The following WHRN variants were observed in gnomAD, a reference collection of about 807,000 sequenced individuals.
WHRN encodes the protein whirlin, also known as CASK-interacting protein CIP98.
In WHRN, 41 loss-of-function variants were observed where a neutral mutation model predicts 68.3. The ratio of observed to expected loss-of-function variants is 0.60; its 90% CI spans 0.47 to 0.78. The LOEUF is 0.78. Ranked by LOEUF, WHRN falls within the 30% of genes least tolerant of loss-of-function variation. The pLI is 0.00. For missense variants in WHRN, 1,243 were observed against 1,244.7 expected (o/e 1.00, Z 0.02); for synonymous variants, 560 against 561.3 (o/e 1.00, Z 0.03).
At chr9:114,471,212 T>C (rs1841192402) in intron 2 of WHRN, among the ~76,000 whole-genome samples, 1 of 152,018 alleles carries the variant, frequency 6.6e-6, no homozygotes, top group Non-Finnish European at 1.5e-5. Context: ...ATAATATTAA[T>C]AGAATAATAA....
intron 7 of WHRN, among the ~76,000 whole-genome samples, chr9:114,414,681 A>G (rs940301760): frequency 6.6e-6 from 1 of 152,272 alleles, no homozygotes; most frequent in African/African-American, 2.4e-5. Context: ...CTACAGAGAC[A>G]GCAAAGCACT....
At chr9:114,447,816 G>C (rs1838970085) in intron 3 of WHRN, among the ~76,000 whole-genome samples, 2 of 151,972 alleles carry the variant, frequency 1.3e-5, no homozygotes. Context: ...AGAACTGTGA[G>C]CTAATAAATT....
chr9:114,479,027 C>G (rs1200210860), intron 1 of WHRN, among the ~76,000 whole-genome samples: 3 of 152,230 alleles, frequency 2.0e-5, no homozygotes, highest in Non-Finnish European at 4.4e-5. Context: ...GTTTGCATTG[C>G]AGGCCTGACA....
chr9:114,464,296 TG>T (rs1840482547), intron 3 of WHRN, among the ~76,000 whole-genome samples: 1 of 152,220 alleles, frequency 6.6e-6, no homozygotes, highest in African/African-American at 2.4e-5. Flanking sequence ...TGAGTCAATC[TG>T]GGCTGCTATA....
At chr9:114,404,154 G>A in intron 9 of WHRN, 77 bp from the exon 10 acceptor site, 1 of 1,458,576 alleles carries the variant, frequency 6.9e-7, no homozygotes, top group Non-Finnish European at 9.4e-7. Context: ...CAGTGACGGA[G>A]ATGGAGGCTG....
intron 1 of WHRN, among the ~76,000 whole-genome samples, chr9:114,486,106 C>T (rs1181129924): frequency 6.6e-6 from 1 of 152,146 alleles, no homozygotes; most frequent in African/African-American, 2.4e-5. Flanking sequence ...GTACTAAATG[C>T]ATGCTAATTC....
chr9:114,481,893 A>G (rs7030213), intron 1 of WHRN, among the ~76,000 whole-genome samples: 10,633 of 152,304 alleles, frequency 0.07, 1,244 homozygotes, highest in African/African-American at 0.24. Flanking sequence ...TGCCTGGCAC[A>G]CAGTAGGTCC....
At position 114,426,360 on chromosome 9, in the gene WHRN, G is replaced by A. The variant is rs375732074; in HGVS notation, c.1017C>T (p.His339=). Residue 339 remains histidine (H), a synonymous_variant, in exon 4 of 12, where the codon CAC becomes CAT. Transcript: ENST00000362057. ...VNGRSFLNIL[H]DEAVRLLKSS... ...ACTTAAGCAGCCTGACAGCCTCGTC[G>A]TGTAGGATGTTGAGAAAGCTCCGCC... 31 of 1,614,092 alleles carry A rather than the reference G, an allele frequency of 1.9e-5. No homozygotes were observed. In the African/African-American group the frequency reaches 3.6e-4, roughly 19 times the overall value.
chr9:114,486,476 C>T (rs933085540), intron 1 of WHRN, among the ~76,000 whole-genome samples: 1 of 152,194 alleles, frequency 6.6e-6, no homozygotes, highest in African/African-American at 2.4e-5. Flanking sequence ...GAACCTCTCC[C>T]TGCTCCTTTT....
rs149509114 is a variant in WHRN, at chr9:114,405,705, C to T, written c.2236+650G>A. Reference sequence around the variant, plus strand: ...CATTTTGCATCTTGGTCTGTGCAGGCGCTCAGGGAATGTCCTACGGGGCCT... The same window carrying T: ...CATTTTGCATCTTGGTCTGTGCAGGTGCTCAGGGAATGTCCTACGGGGCCT... On this transcript the variant is annotated intron_variant, in intron 9 of 11. Transcript: ENST00000362057. Among the ~76,000 whole-genome samples the T allele has an allele frequency of 5.4e-3, 828 of 152,326 alleles. 6 individuals are homozygous for T. The highest frequency in any genetic ancestry group is 0.01 in the South Asian group (50 of 4,830).
chr9:114,407,743 G>T (rs1033168809), intron 8 of WHRN, among the ~76,000 whole-genome samples: 1 of 152,210 alleles, frequency 6.6e-6, no homozygotes, highest in Non-Finnish European at 1.5e-5. Context: ...GTCACCAGAG[G>T]CAAGTGATCC....
intron 1 of WHRN, among the ~76,000 whole-genome samples, chr9:114,500,718 T>A (rs1201608669): frequency 6.6e-6 from 1 of 152,132 alleles, no homozygotes; most frequent in Non-Finnish European, 1.5e-5. Flanking sequence ...AGTGAGCAAG[T>A]GAATTTGATT....
intron 1 of WHRN, among the ~76,000 whole-genome samples, chr9:114,485,180 G>A (rs993673562): frequency 1.4e-4 from 21 of 152,248 alleles, no homozygotes; most frequent in Non-Finnish European, 2.5e-4. Flanking sequence ...TTCGGAAACA[G>A]AGACTCAACA....
At chr9:114,432,886 T>C (rs2132488008) in intron 3 of WHRN, among the ~76,000 whole-genome samples, 2 of 152,280 alleles carry the variant, frequency 1.3e-5, no homozygotes, top group Middle Eastern at 6.8e-3. Flanking sequence ...ACCAACCAAA[T>C]CTAGCAATTC....
chr9:114,425,275 T>C lies in WHRN; in HGVS notation c.1167-251A>G, dbSNP rs1290952969. 1.4e-5 allele frequency: 9 copies of C among 648,480 alleles called. No homozygotes were observed. In the East Asian group the frequency reaches 2.2e-4, roughly 16 times the overall value. 40.2% of individuals were successfully genotyped at this position (648,480 alleles called of 1,614,324 possible). ...AAACCACCCGAGGTGGGCTCCTGAGTTGTTGCCAACCCCGCAGGACCAGGC... is the reference window on the plus strand; with the variant it reads ...AAACCACCCGAGGTGGGCTCCTGAGCTGTTGCCAACCCCGCAGGACCAGGC... On this transcript the variant is annotated intron_variant, in intron 4 of 11. Transcript: ENST00000362057.
In WHRN at chr9:114,450,805, C is replaced by T. The variant is rs1003936292; in HGVS notation, c.963+15462G>A. On this transcript the variant is annotated intron_variant, in intron 3 of 11. Coordinates refer to ENST00000362057, the MANE Select transcript of WHRN (RefSeq NM_015404.4). Reference sequence around the variant, plus strand: ...ACACAGTAGGTGTCAGAAGTAGCTGCTATTGTTATTATTATTAGTTTCCCC... The same window carrying T: ...ACACAGTAGGTGTCAGAAGTAGCTGTTATTGTTATTATTATTAGTTTCCCC... Among the ~76,000 whole-genome samples the T allele has an allele frequency of 2.7e-5, 4 of 148,086 alleles. No homozygotes were observed. In the East Asian group the frequency reaches 8.0e-4, roughly 30 times the overall value.
At chr9:114,463,952 C>T (rs964026577) in intron 3 of WHRN, among the ~76,000 whole-genome samples, 1 of 152,142 alleles carries the variant, frequency 6.6e-6, no homozygotes, top group African/African-American at 2.4e-5. Context: ...GTGCAACTCT[C>T]CGAGCCTCAC....
intron 7 of WHRN, among the ~76,000 whole-genome samples, chr9:114,419,546 G>A (rs920699702): frequency 3.9e-5 from 6 of 152,316 alleles, no homozygotes; most frequent in Non-Finnish European, 7.4e-5. Context: ...AAGGAAGCCC[G>A]GGGGCAAGAG....
At chr9:114,482,507 G>C (rs531726501) in intron 1 of WHRN, among the ~76,000 whole-genome samples, 2 of 152,174 alleles carry the variant, frequency 1.3e-5, no homozygotes, top group East Asian at 3.9e-4. Context: ...TGGGGAGAAG[G>C]ACAATGCTCA....
Sources: allele counts gnomAD v4.1 joint callset (sites outside exome capture counted in the v4.1 genomes callset), GRCh38; gene constraint gnomAD v4.1.1; transcripts MANE v1.5; gene names NCBI Gene and HGNC (gene_info 2026-07-23, HGNC 2026-07-21).